Variants in KCND2 observed in about 807,000 individuals in gnomAD.
The protein encoded by KCND2 is potassium voltage-gated channel subfamily D member 2, also known as A-type voltage-gated potassium channel KCND2.
A neutral mutation model predicts 54.4 loss-of-function variants in KCND2; 16 were observed. The observed-to-expected ratio is 0.29, with a 90% CI of 0.20 to 0.45. KCND2 has a LOEUF of 0.45. KCND2 is among the 20% of genes least tolerant of loss of function. KCND2 has a pLI of 1.00. For synonymous variants in KCND2, 317 were observed against 310.7 expected, an observed-to-expected ratio of 1.02 and a Z score of -0.21; for missense variants, 486 against 824.2, an observed-to-expected ratio of 0.59 and a Z score of 5.02.
At chr7:120,345,315 G>A (rs2116372887) in intron 1 of KCND2, among the ~76,000 whole-genome samples, 1 of 152,148 alleles carries the variant, frequency 6.6e-6, no homozygotes, top group African/African-American at 2.4e-5. Flanking sequence ...TTCTTCTGGT[G>A]GTATGTCTGT....
intron 1 of KCND2, among the ~76,000 whole-genome samples, chr7:120,606,757 A>G (rs1419461431): frequency 6.6e-6 from 1 of 151,998 alleles, no homozygotes; most frequent in African/African-American, 2.4e-5. Flanking sequence ...AGATAAATAT[A>G]TAATTTTTAT....
intron 1 of KCND2, among the ~76,000 whole-genome samples, chr7:120,459,217 A>T (rs761492443): frequency 6.6e-6 from 1 of 152,026 alleles, no homozygotes; most frequent in Non-Finnish European, 1.5e-5. Flanking sequence ...CTCCAGCCAC[A>T]GTTGCTCCCT....
chr7:120,314,069 C>CA (rs555042766), intron 1 of KCND2, among the ~76,000 whole-genome samples: 3,164 of 85,204 alleles, frequency 0.037, 122 homozygotes, highest in African/African-American at 0.12. Flanking sequence ...AGTGTAAATA[C>CA]AAAAAAAAAA....
intron 1 of KCND2, among the ~76,000 whole-genome samples, chr7:120,311,442 G>A (rs1354277615): frequency 6.6e-6 from 1 of 152,176 alleles, no homozygotes; most frequent in Non-Finnish European, 1.5e-5. Flanking sequence ...GGACATTGAG[G>A]AAATAGCATT....
In KCND2 at chr7:120,540,165, G is replaced by A. The variant is rs937505820; in HGVS notation, c.1116-192738G>A. Among the ~76,000 whole-genome samples the A allele has an allele frequency of 2.0e-5, 3 of 152,046 alleles. No homozygotes were observed. The East Asian group carries it at 5.8e-4, about 29-fold the overall frequency. Reference sequence around the variant, plus strand: ...CCACCCGCCTTGACCTCCCAATCTTGTTGGGATGGGAGTTAGAAAATGAAA... The same window carrying A: ...CCACCCGCCTTGACCTCCCAATCTTATTGGGATGGGAGTTAGAAAATGAAA... On this transcript the variant is annotated intron_variant, in intron 1 of 5. Transcript: ENST00000331113.
intron 1 of KCND2, among the ~76,000 whole-genome samples, chr7:120,371,523 G>C (rs146871845): frequency 5.9e-4 from 90 of 151,972 alleles, no homozygotes; most frequent in African/African-American, 2.1e-3. Context: ...TGAGTGGGAG[G>C]GAGGCTTCTG....
At chr7:120,658,096 A>T (rs1431499530) in intron 1 of KCND2, among the ~76,000 whole-genome samples, 1 of 152,200 alleles carries the variant, frequency 6.6e-6, no homozygotes, top group African/African-American at 2.4e-5. Context: ...AATTTCCACC[A>T]GAATTTGATT....
chr7:120,295,438 A>G (rs1040545527), intron 1 of KCND2, among the ~76,000 whole-genome samples: 1 of 151,644 alleles, frequency 6.6e-6, no homozygotes, highest in African/African-American at 2.4e-5. Context: ...TCTACATTAC[A>G]GTGCAAAGAG....
At chr7:120,468,221 TA>T (rs1267818406) in intron 1 of KCND2, among the ~76,000 whole-genome samples, 1 of 152,102 alleles carries the variant, frequency 6.6e-6, no homozygotes, top group Non-Finnish European at 1.5e-5. Flanking sequence ...TTTTCCCGTT[TA>T]AATCCCTCCA....
At chr7:120,338,855 G>A (rs1320475016) in intron 1 of KCND2, among the ~76,000 whole-genome samples, 3 of 151,894 alleles carry the variant, frequency 2.0e-5, no homozygotes, top group Non-Finnish European at 4.4e-5. Context: ...CTAGAAAAGA[G>A]ACCTGGTGTC....
intron 1 of KCND2, among the ~76,000 whole-genome samples, chr7:120,685,753 A>C (rs537000089): frequency 9.8e-5 from 15 of 152,348 alleles, no homozygotes; most frequent in African/African-American, 3.6e-4. Flanking sequence ...AAGAAAAGTT[A>C]TCTAAAAATG....
At chr7:120,666,639 A>G (rs575654717) in intron 1 of KCND2, among the ~76,000 whole-genome samples, 85 of 151,990 alleles carry the variant, frequency 5.6e-4, no homozygotes, top group African/African-American at 1.9e-3. Flanking sequence ...AAGCTCTTGC[A>G]AGAGCATCCC....
chr7:120,691,644 T>C (rs1584885507), intron 1 of KCND2, among the ~76,000 whole-genome samples: 2 of 152,074 alleles, frequency 1.3e-5, no homozygotes, highest in Non-Finnish European at 2.9e-5. Context: ...TGGAGACACA[T>C]AGGCAGTTGG....
chr7:120,675,913 G>A (rs959837859), intron 1 of KCND2, among the ~76,000 whole-genome samples: 11 of 144,382 alleles, frequency 7.6e-5, no homozygotes, highest in South Asian at 4.3e-4. Context: ...GCTGGAGTAC[G>A]GTGGTGTGAC....
chr7:120,516,597 A>G (rs568195683), intron 1 of KCND2, among the ~76,000 whole-genome samples: 1 of 152,220 alleles, frequency 6.6e-6, no homozygotes, highest in Non-Finnish European at 1.5e-5. Context: ...ACATCCAGAA[A>G]TGACTTACTG....
rs141854233 is a variant in KCND2, at chr7:120,707,209, C to T, written c.1116-25694C>T. ...GATGTTTGGAAGAATTTTCCACAAA[C>T]CAGCTGTTGGCTAGTCTAAGAAATC... is the stretch of plus-strand genomic sequence containing the variant. On this transcript the variant is annotated intron_variant, in intron 1 of 5. Coordinates refer to ENST00000331113, the MANE Select transcript of KCND2 (RefSeq NM_012281.3). Among the ~76,000 whole-genome samples, 396 of 152,234 alleles carry T rather than the reference C, an allele frequency of 2.6e-3. 2 individuals carry two copies. The highest frequency in any genetic ancestry group is 9.1e-3 in the African/African-American group (380 of 41,556).
chr7:120,725,991 G>A (rs1792729209), intron 1 of KCND2, among the ~76,000 whole-genome samples: 2 of 152,116 alleles, frequency 1.3e-5, no homozygotes, highest in South Asian at 2.1e-4. Flanking sequence ...TTTAGTGGGC[G>A]CTAATTAAGA....
intron 1 of KCND2, among the ~76,000 whole-genome samples, chr7:120,528,301 G>A (rs866247546): frequency 4.6e-5 from 7 of 152,106 alleles, no homozygotes; most frequent in South Asian, 4.2e-4. Flanking sequence ...ATGATTTAGC[G>A]TTTAGAATGG....
At chr7:120,502,086 A>G (rs932795619) in intron 1 of KCND2, among the ~76,000 whole-genome samples, 7 of 152,186 alleles carry the variant, frequency 4.6e-5, no homozygotes, top group Admixed American at 4.6e-4. Flanking sequence ...ATTCAGTGGA[A>G]AGAGTTCTCT....
Sources: gnomAD v4.1 joint callset for allele counts (sites outside exome capture counted in the v4.1 genomes callset) on GRCh38, gnomAD v4.1.1 for gene constraint, MANE v1.5 for transcripts, NCBI Gene and HGNC (gene_info 2026-07-23, HGNC 2026-07-21) for gene names.